Variants in PTPRD observed in about 807,000 individuals in gnomAD.
PTPRD encodes receptor-type tyrosine-protein phosphatase delta.
Under a neutral mutation model 214.5 loss-of-function variants are expected in PTPRD, and 34 were observed. The ratio of observed to expected loss-of-function variants is 0.16; its 90% CI spans 0.12 to 0.21. The LOEUF (loss-of-function observed/expected upper bound fraction) is 0.21, where lower values mean the gene tolerates loss of function less well. Among genes scored for constraint, PTPRD ranks in the 10% least tolerant of loss-of-function variants. PTPRD has a pLI of 1.00. For synonymous variants in PTPRD, 1,128 were observed against 845.7 expected, an observed-to-expected ratio of 1.33 and a Z score of -5.79; for missense variants, 2,545 against 2,398.7, an observed-to-expected ratio of 1.06 and a Z score of -1.27.
intron 4 of PTPRD, among the ~76,000 whole-genome samples, chr9:10,008,599 T>G (rs1175674061): frequency 6.9e-6 from 1 of 144,980 alleles, no homozygotes; most frequent in African/African-American, 2.5e-5. Context: ...CATATATATA[T>G]ACTTAGCCAA....
intron 3 of PTPRD, among the ~76,000 whole-genome samples, chr9:10,101,950 A>G (rs1450238493): frequency 2.6e-5 from 4 of 151,692 alleles, no homozygotes; most frequent in Non-Finnish European, 5.9e-5. Context: ...TAGCTACAAG[A>G]AGAAAAGCCA....
At chr9:9,516,660 C>T (rs2096846253) in intron 8 of PTPRD, among the ~76,000 whole-genome samples, 1 of 152,030 alleles carries the variant, frequency 6.6e-6, no homozygotes, top group African/African-American at 2.4e-5. Flanking sequence ...GCCTCAGACT[C>T]CTCAGTAGCT....
At chr9:9,088,614 T>C (rs1327931683) in intron 10 of PTPRD, among the ~76,000 whole-genome samples, 1 of 88,776 alleles carries the variant, frequency 1.1e-5, no homozygotes, top group African/African-American at 4.5e-5. Context: ...AAAAAAGAAG[T>C]CTGGCTTGCA....
intron 10 of PTPRD, among the ~76,000 whole-genome samples, chr9:9,174,808 G>A (rs2099923619): frequency 6.6e-6 from 1 of 152,028 alleles, no homozygotes; most frequent in African/African-American, 2.4e-5. Flanking sequence ...CATTTAATGT[G>A]CTAATGATTT....
chr9:9,922,856 C>A (rs2082970856), intron 5 of PTPRD, among the ~76,000 whole-genome samples: 3 of 152,012 alleles, frequency 2.0e-5, no homozygotes, highest in South Asian at 4.2e-4. Flanking sequence ...AGAGATATGA[C>A]AACTAATTGC....
At chr9:10,492,432 G>A (rs1566487526) in intron 2 of PTPRD, among the ~76,000 whole-genome samples, 1 of 152,122 alleles carries the variant, frequency 6.6e-6, no homozygotes, top group East Asian at 1.9e-4. Context: ...GTATCTCATT[G>A]TGGTTTTGAT....
rs184666402 is a variant in PTPRD, at chr9:9,943,612, T to C, written c.-471-5002A>G. Among the ~76,000 whole-genome samples the C allele has an allele frequency of 4.6e-5, 7 of 150,716 alleles. 1 individual carries two copies. Among genetic ancestry groups the C allele is most frequent in the Non-Finnish European group, 1.0e-4 (7 of 67,900 alleles). Reference sequence around the variant, plus strand: ...ATTAGAAGATATTAGAAGCTGTGGGTTTGTGGCTGTTAGATGGCGATATTT... The same window carrying C: ...ATTAGAAGATATTAGAAGCTGTGGGCTTGTGGCTGTTAGATGGCGATATTT... On this transcript the variant is annotated intron_variant, in intron 4 of 45. Transcript: ENST00000381196.
At chr9:8,462,772 C>T (rs1302483533) in intron 32 of PTPRD, among the ~76,000 whole-genome samples, 1 of 151,912 alleles carries the variant, frequency 6.6e-6, no homozygotes, top group East Asian at 1.9e-4. Flanking sequence ...ATAAAAATAA[C>T]ACAGCTAAAT....
At chr9:9,792,680 T>C (rs1170742366) in intron 5 of PTPRD, among the ~76,000 whole-genome samples, 1 of 152,198 alleles carries the variant, frequency 6.6e-6, no homozygotes, top group African/African-American at 2.4e-5. Flanking sequence ...CAGATGACTA[T>C]ATGAGAGTAT....
chr9:8,326,963 T>C (rs1834488306), intron 44 of PTPRD, among the ~76,000 whole-genome samples: 1 of 147,220 alleles, frequency 6.8e-6, no homozygotes, highest in African/African-American at 2.5e-5. Context: ...ATCTATTTTG[T>C]TGATCTTTTC....
At chr9:8,659,386 T>C (rs1015915536) in intron 12 of PTPRD, among the ~76,000 whole-genome samples, 1 of 152,202 alleles carries the variant, frequency 6.6e-6, no homozygotes, top group Admixed American at 6.5e-5. Context: ...TGAGCCAAAA[T>C]ATTACACTAT....
intron 8 of PTPRD, among the ~76,000 whole-genome samples, chr9:9,428,184 C>T (rs893289970): frequency 2.0e-5 from 3 of 152,016 alleles, no homozygotes; most frequent in Non-Finnish European, 4.4e-5. Flanking sequence ...CGTGCAGAGA[C>T]ACACAGGCTC....
At chr9:8,357,748 A>G (rs1255686953) in intron 39 of PTPRD, among the ~76,000 whole-genome samples, 1 of 152,200 alleles carries the variant, frequency 6.6e-6, no homozygotes, top group Non-Finnish European at 1.5e-5. Flanking sequence ...GATATTGGGA[A>G]TAGGATGCTT....
chr9:8,652,943 G>T (rs976526034), intron 12 of PTPRD, among the ~76,000 whole-genome samples: 1 of 152,122 alleles, frequency 6.6e-6, no homozygotes, highest in African/African-American at 2.4e-5. Context: ...AAGCCTCTGG[G>T]ATCTCAAAAG....
At chr9:8,990,019 C>T (rs2099360174) in intron 11 of PTPRD, among the ~76,000 whole-genome samples, 1 of 152,066 alleles carries the variant, frequency 6.6e-6, no homozygotes, top group South Asian at 2.1e-4. Context: ...TAATCTAGAC[C>T]TCATTTAATC....
intron 14 of PTPRD, among the ~76,000 whole-genome samples, chr9:8,536,548 C>G (rs897664005): frequency 6.6e-6 from 1 of 151,864 alleles, no homozygotes; most frequent in African/African-American, 2.4e-5. Context: ...TTAGCCAGTA[C>G]AAGGTAGATG....
intron 12 of PTPRD, among the ~76,000 whole-genome samples, chr9:8,708,690 A>AC (rs2098262362): frequency 6.8e-6 from 1 of 147,068 alleles, no homozygotes; most frequent in Non-Finnish European, 1.5e-5. Context: ...AAAAAAAAAA[A>AC]AAAAAAAAAA....
chr9:8,660,732 C>T (rs2097025669), intron 12 of PTPRD, among the ~76,000 whole-genome samples: 1 of 152,098 alleles, frequency 6.6e-6, no homozygotes, highest in Non-Finnish European at 1.5e-5. Flanking sequence ...TCAGGCAGAG[C>T]AATCAAAAAG....
intron 11 of PTPRD, among the ~76,000 whole-genome samples, chr9:8,771,200 GTCTTTAT>G (rs1325907530): frequency 1.4e-5 from 2 of 146,522 alleles, no homozygotes; most frequent in East Asian, 3.9e-4. Context: ...AAAGATAGTA[GTCTTTAT>G]TCTTTATTAA....
Sources: allele counts gnomAD v4.1 joint callset (sites outside exome capture counted in the v4.1 genomes callset), GRCh38; gene constraint gnomAD v4.1.1; transcripts MANE v1.5; gene names NCBI Gene and HGNC (gene_info 2026-07-23, HGNC 2026-07-21).